Variants in COX7C observed in about 807,000 individuals in gnomAD.
COX7C encodes the protein cytochrome c oxidase subunit 7C.
COX7C carries 1 observed loss-of-function variant against 6.4 expected under a neutral mutation model. The ratio of observed to expected loss-of-function variants is 0.16; its 90% CI spans 0.06 to 0.74. The LOEUF (loss-of-function observed/expected upper bound fraction) is 0.74, where lower values mean the gene tolerates loss of function less well. Ranked by LOEUF, COX7C falls within the 30% of genes least tolerant of loss-of-function variation. The probability of loss-of-function intolerance (pLI) is 0.78; values close to 1 mark genes in which losing one functional copy is unlikely to be tolerated. For missense variants in COX7C, 54 were observed against 73.7 expected (o/e 0.73, Z 0.98); for synonymous variants, 24 against 28.9 (o/e 0.83, Z 0.54).
intron 2 of COX7C, chr5:86,619,836 T>TG (rs1750084255): frequency 5.6e-6 from 1 of 178,302 alleles, no homozygotes; most frequent in South Asian, 1.4e-4. Flanking sequence ...CCAGGACTCT[T>TG]GCCCAGGCAG....
intron 1 of COX7C, chr5:86,618,376 C>T: frequency 2.0e-6 from 1 of 489,174 alleles, no homozygotes; most frequent in East Asian, 3.8e-5. Context: ...ACGCCCCCTC[C>T]CCCGCCCCGC....
At chr5:86,618,909 G>T (rs58104275) in intron 1 of COX7C, among the ~76,000 whole-genome samples, 104 of 151,526 alleles carry the variant, frequency 6.9e-4, no homozygotes, top group African/African-American at 2.5e-3. Context: ...TTGAACCCGG[G>T]AGGTGGAGGT....
Position 86,618,055 on chromosome 5 carries a change from T to C in COX7C, c.-1T>C, listed in dbSNP as rs764990487. ...CCTTTCGCAGAGCTTCCAGCAGCGG[T>C]ATGTTGGGCCAGAGCATCCGGAGGT... On this transcript the variant is annotated 5_prime_UTR_variant, in exon 1 of 3. Transcript: ENST00000247655. 6.2e-7 allele frequency: 1 copy of C among 1,613,342 alleles called. No individual in the cohort carries two copies. The highest frequency in any genetic ancestry group is 8.5e-7 in the Non-Finnish European group (1 of 1,179,858).
chr5:86,618,120 G>T lies in COX7C; in HGVS notation c.65G>T (p.Gly22Val), dbSNP rs780174227. Reference sequence around the variant, plus strand: ...GTCCGTAGGAGCCACTATGAGGAGGGCCCTGGGAAGGTTAGTGTGTAAGGG... The same window carrying T: ...GTCCGTAGGAGCCACTATGAGGAGGTCCCTGGGAAGGTTAGTGTGTAAGGG... ...SVVRRSHYEE[G>V]PGKNLPFSVE... The change falls in exon 1 of 3, where the codon GGC becomes GTC. Residue 22 changes from glycine (G) to valine (V), a missense_variant. Transcript: ENST00000247655. The T allele has an allele frequency of 5.6e-6, 9 of 1,614,012 alleles. No individual in the cohort carries two copies. Among genetic ancestry groups the T allele is most frequent in the African/African-American group, 2.7e-5 (2 of 74,928 alleles).
In COX7C at chr5:86,617,998, T is replaced by G; in HGVS notation, c.-58T>G. ...CGTGAAAAAAAAGGTCTTGGTGAGG[T>G]GCCGCCATTTCATCTGTCCTCATTC... On this transcript the variant is annotated 5_prime_UTR_variant, in exon 1 of 3. Coordinates refer to ENST00000247655, the MANE Select transcript of COX7C (RefSeq NM_001867.3). 1 of 1,549,234 alleles carries G rather than the reference T, an allele frequency of 6.5e-7. No individual in the cohort carries two copies.
At position 86,619,338 on chromosome 5, in the gene COX7C, C is replaced by CT. The variant is rs144353141; in HGVS notation, c.76-8dup. 4.6e-6 allele frequency: 7 copies of CT among 1,526,450 alleles called. No homozygotes were observed. Among genetic ancestry groups the CT allele is most frequent in the South Asian group, 3.4e-5 (3 of 89,170 alleles). The allele number at this position is 1,526,450 out of a possible 1,614,324, so 94.6% of individuals were successfully genotyped here. On this transcript the variant is annotated splice_polypyrimidine_tract_variant and intron_variant, in intron 1 of 2. Transcript: ENST00000247655. ...AGATTCAATTTCGATTACTTTTTCT[C>CT]TTTTTTTCCAACAGAATTTGCCATT...
Position 86,618,079 on chromosome 5 carries a change from G to C in COX7C, c.24G>C (p.Arg8Ser), listed in dbSNP as rs745870022. The C allele has an allele frequency of 6.2e-7, 1 of 1,613,904 alleles. No individual in the cohort carries two copies. Among genetic ancestry groups the C allele is most frequent in the Admixed American group, 1.7e-5 (1 of 60,006 alleles). Residue 8 changes from arginine to serine, a missense_variant, in exon 1 of 3, where the codon AGG (arginine) becomes AGC (serine). Coordinates refer to ENST00000247655, the MANE Select transcript of COX7C (RefSeq NM_001867.3). MLGQSIRRFTTSVVRRSH... is the reference protein window; with the variant it reads MLGQSIRSFTTSVVRRSH... ...GTATGTTGGGCCAGAGCATCCGGAG[G>C]TTCACAACCTCTGTGGTCCGTAGGA...
chr5:86,620,574 C>A (rs973564244), intron 2 of COX7C, 94 bp from the exon 3 acceptor site: 1 of 389,976 alleles, frequency 2.6e-6, no homozygotes, highest in Non-Finnish European at 5.5e-6. Context: ...ATGTACTACT[C>A]AAACTGATAG....
At chr5:86,618,444 A>T (rs1193748029) in intron 1 of COX7C, 2 of 317,908 alleles carry the variant, frequency 6.3e-6, no homozygotes, top group Non-Finnish European at 1.2e-5. Flanking sequence ...GTTAAATCCG[A>T]GCTGGAGGTC....
At chr5:86,620,572 C>A in intron 2 of COX7C, 96 bp from the exon 3 acceptor site, 2 of 388,162 alleles carry the variant, frequency 5.2e-6, no homozygotes, top group South Asian at 1.8e-5. Context: ...TGATGTACTA[C>A]TCAAACTGAT....
intron 2 of COX7C, 29 bp from the exon 3 acceptor site, chr5:86,620,639 T>C: frequency 2.3e-6 from 1 of 439,176 alleles, no homozygotes; most frequent in Non-Finnish European, 4.6e-6. Flanking sequence ...ATTTTTAAAA[T>C]GCCATTAATT....
In COX7C at chr5:86,620,720, C is replaced by A. The variant is rs61188008; in HGVS notation, c.*80C>A. 1 of 377,328 alleles carries A rather than the reference C, an allele frequency of 2.7e-6. No individual in the cohort carries two copies. Among genetic ancestry groups the A allele is most frequent in the Non-Finnish European group, 5.7e-6 (1 of 175,624 alleles). 23.4% of individuals were successfully genotyped at this position (377,328 alleles called of 1,614,324 possible). On this transcript the variant is annotated 3_prime_UTR_variant, in exon 3 of 3. Coordinates refer to ENST00000247655, the MANE Select transcript of COX7C (RefSeq NM_001867.3). ...CCTCTGGAAGTGGATCAAACTAGAACTCATATGCCATACTAGATATGTTTG... is the reference window on the plus strand; with the variant it reads ...CCTCTGGAAGTGGATCAAACTAGAAATCATATGCCATACTAGATATGTTTG...
chr5:86,620,508 G>A (rs1246532923), intron 2 of COX7C, 160 bp from the exon 3 acceptor site: 2 of 266,162 alleles, frequency 7.5e-6, no homozygotes, highest in Non-Finnish European at 1.7e-5. Context: ...AGGTTGCGGT[G>A]CATGTGATGA....
intron 1 of COX7C, 76 bp downstream of exon 1, chr5:86,618,206 C>T (rs1222012074): frequency 7.2e-7 from 1 of 1,380,688 alleles, no homozygotes; most frequent in Non-Finnish European, 1.0e-6. Context: ...AAGGCCGCCT[C>T]CGGGCTGTGG....
At chr5:86,618,716 C>T (rs1318473993) in intron 1 of COX7C, among the ~76,000 whole-genome samples, 1 of 152,082 alleles carries the variant, frequency 6.6e-6, no homozygotes, top group African/African-American at 2.4e-5. Context: ...GGGCCAGGTG[C>T]GGTGGCGCAC....
chr5:86,619,236 A>C (rs932206015), intron 1 of COX7C, 117 bp from the exon 2 acceptor site: 4 of 689,120 alleles, frequency 5.8e-6, no homozygotes, highest in Non-Finnish European at 5.2e-6. Context: ...GATTTATGGC[A>C]TATGTTAACC....
At chr5:86,618,978 CAAAAAAAAAAA>C (rs368187717) in intron 1 of COX7C, among the ~76,000 whole-genome samples, 14 of 62,438 alleles carry the variant, frequency 2.2e-4, no homozygotes, top group Non-Finnish European at 4.5e-4. Context: ...GACTCCGTCT[CAAAAAAAAAAA>C]AAAAGAAAAA....
chr5:86,618,827 A>G (rs1182275723), intron 1 of COX7C, among the ~76,000 whole-genome samples: 1 of 152,024 alleles, frequency 6.6e-6, no homozygotes, highest in African/African-American at 2.4e-5. Flanking sequence ...AAAAAGTACA[A>G]AAAAATTAGC....
chr5:86,618,723 G>A (rs1381659430), intron 1 of COX7C, among the ~76,000 whole-genome samples: 11 of 152,088 alleles, frequency 7.2e-5, no homozygotes, highest in Admixed American at 2.0e-4. Context: ...GTGCGGTGGC[G>A]CACGCCTGTA....
Sources: allele counts gnomAD v4.1 joint callset (sites outside exome capture counted in the v4.1 genomes callset), GRCh38; gene constraint gnomAD v4.1.1; transcripts MANE v1.5; gene names NCBI Gene and HGNC (gene_info 2026-07-23, HGNC 2026-07-21).